The following PDZD4 variants were observed in gnomAD, a reference collection of about 807,000 sequenced individuals.
PDZD4 encodes PDZ domain containing 4.
PDZD4 carries 9 observed loss-of-function variants against 38.5 expected under a neutral mutation model. The ratio of observed to expected loss-of-function variants is 0.23; its 90% CI spans 0.14 to 0.41. The LOEUF is 0.41. PDZD4 is among the 10% of genes least tolerant of loss of function. The probability of loss-of-function intolerance (pLI) is 1.00; values close to 1 mark genes in which losing one functional copy is unlikely to be tolerated. For missense variants in PDZD4, 612 were observed against 722.0 expected, an observed-to-expected ratio of 0.85 and a Z score of 1.75; for synonymous variants, 349 against 315.7, an observed-to-expected ratio of 1.11 and a Z score of -1.12.
intron 1 of PDZD4, among the ~76,000 whole-genome samples, chrX:153,822,216 A>G (rs1185261598): frequency 9.3e-6 from 1 of 107,809 alleles, no homozygotes; most frequent in Non-Finnish European, 1.9e-5. Flanking sequence ...ACACACAGGA[A>G]AAGAGGGGTG....
At chrX:153,811,294 G>A (rs1285618494) in intron 1 of PDZD4, among the ~76,000 whole-genome samples, 4 of 111,472 alleles carry the variant, frequency 3.6e-5, no homozygotes, top group African/African-American at 1.3e-4. Context: ...CCACCACCAC[G>A]CCTGGATAAT....
intron 1 of PDZD4, among the ~76,000 whole-genome samples, chrX:153,822,950 A>G (rs2064441662): frequency 8.9e-6 from 1 of 111,873 alleles, no homozygotes; most frequent in African/African-American, 3.2e-5. Flanking sequence ...CTTTCCTGAG[A>G]GAAATTCTCA....
At position 153,808,436 on chromosome X, in the gene PDZD4, T is replaced by C. The variant is rs1557077969; in HGVS notation, c.220A>G (p.Thr74Ala). Reference protein sequence around the residue: ...DLQLVDSGTQTDITFEHIMAL... With the variant: ...DLQLVDSGTQADITFEHIMAL... ...ATGATATGCTCGAAGGTGATGTCGG[T>C]CTGAGTGCCACTGTCCACCAGCTGC... Residue 74 changes from threonine to alanine, a missense_variant, in exon 2 of 8, where the codon ACC becomes GCC. Around this residue, in one of 3 missense-constraint regions of PDZD4, gnomAD observed 225 missense variants for 311.0 expected, o/e 0.72. Transcript: ENST00000393758. 8.3e-7 allele frequency: 1 copy of C among 1,211,227 alleles called. No homozygotes were observed. Among genetic ancestry groups the C allele is most frequent in the South Asian group, 1.8e-5 (1 of 57,014 alleles).
chrX:153,808,681 C>T (rs2064280339), intron 1 of PDZD4, 86 bp from the exon 2 acceptor site: 2 of 1,026,080 alleles, frequency 1.9e-6, no homozygotes, highest in African/African-American at 1.9e-5. Context: ...GCTGGCAGGA[C>T]CTGGGCTGAC....
chrX:153,806,702 G>C (rs782139290), intron 4 of PDZD4, 40 bp downstream of exon 4: 1 of 1,157,692 alleles, frequency 8.6e-7, no homozygotes, highest in South Asian at 1.8e-5. Flanking sequence ...GGCAGGCCAT[G>C]TGGATGGGCC....
At chrX:153,820,127 T>C (rs1434015048) in intron 1 of PDZD4, among the ~76,000 whole-genome samples, 2 of 110,292 alleles carry the variant, frequency 1.8e-5, no homozygotes, top group Non-Finnish European at 3.8e-5. Flanking sequence ...GGCGGGCAGA[T>C]CACAAGGTCA....
At chrX:153,811,267 G>T (rs1185484945) in intron 1 of PDZD4, among the ~76,000 whole-genome samples, 4 of 111,573 alleles carry the variant, frequency 3.6e-5, no homozygotes, top group Non-Finnish European at 7.5e-5. Context: ...CTCCCCAATA[G>T]CTAGGATTAC....
intron 1 of PDZD4, among the ~76,000 whole-genome samples, chrX:153,828,850 C>T (rs2064509780): frequency 8.9e-6 from 1 of 112,029 alleles, no homozygotes; most frequent in African/African-American, 3.2e-5. Context: ...CATCCCAGCC[C>T]TGGAATCCAA....
intron 2 of PDZD4, chrX:153,807,809 G>A: frequency 1.0e-6 from 1 of 958,755 alleles, no homozygotes; most frequent in Non-Finnish European, 1.3e-6. Flanking sequence ...TGCCCTCCTG[G>A]CCCCAAAACT....
rs782076912 is a variant in PDZD4 at position 153,808,493 on chromosome X, G to T, written c.163C>A (p.Arg55Ser). ...LVIQVLRRSP[R>S]LRGDSSCHDL... ...TGACAGGAGCTGTCCCCCCGGAGGC[G>T]GGGGCTGCGTCTCAGCACCTGGATC... is the stretch of plus-strand genomic sequence containing the variant. The change falls in exon 2 of 8, where the codon CGC becomes AGC. Residue 55 changes from arginine (R) to serine (S), a missense_variant. Transcript: ENST00000393758. 8.3e-7 allele frequency: 1 copy of T among 1,210,487 alleles called. No homozygotes were observed. Among genetic ancestry groups the T allele is most frequent in the East Asian group, 3.0e-5 (1 of 33,805 alleles).
At chrX:153,820,285 G>C (rs1281327588) in intron 1 of PDZD4, among the ~76,000 whole-genome samples, 1 of 102,733 alleles carries the variant, frequency 9.7e-6, no homozygotes, top group Non-Finnish European at 2.0e-5. Flanking sequence ...TGGCGGAGGA[G>C]GTTGCAGTGA....
intron 5 of PDZD4, 47 bp downstream of exon 5, chrX:153,806,024 G>C: frequency 8.4e-7 from 1 of 1,184,528 alleles, no homozygotes; most frequent in Non-Finnish European, 1.1e-6. Context: ...CTGGGCCGAC[G>C]GGCACAGCGG....
chrX:153,818,827 G>T (rs1340696220), intron 1 of PDZD4, among the ~76,000 whole-genome samples: 7 of 109,918 alleles, frequency 6.4e-5, no homozygotes, highest in African/African-American at 2.0e-4. Context: ...AATTCGCAAG[G>T]CCAGGGAAAG....
chrX:153,804,870 C>T lies in PDZD4; in HGVS notation c.811G>A (p.Asp271Asn), dbSNP rs782134205. Residue 271 changes from aspartate to asparagine, a missense_variant, in exon 8 of 8, where the codon GAT (aspartate) becomes AAT (asparagine). Around this residue, in one of 3 missense-constraint regions of PDZD4, gnomAD observed 225 missense variants for 311.0 expected, o/e 0.72. Transcript: ENST00000393758. The part of the protein sequence containing the change: ...PGNEEEKGAP[D>N]AGPGLSNSQE... ...CTGTTGCTCAGGCCTGGGCCGGCATCGGGAGCCCCCTTCTCCTCTTCGTTT... is the reference window on the plus strand; with the variant it reads ...CTGTTGCTCAGGCCTGGGCCGGCATTGGGAGCCCCCTTCTCCTCTTCGTTT... 1.5e-5 allele frequency: 18 copies of T among 1,209,713 alleles called. No individual in the cohort carries two copies.
chrX:153,812,412 G>A (rs1163547690), intron 1 of PDZD4, among the ~76,000 whole-genome samples: 1 of 109,562 alleles, frequency 9.1e-6, no homozygotes. Flanking sequence ...CTTTCTACCC[G>A]GAATCATTAC....
rs5987159 is a variant in PDZD4 at position 153,806,775 on chromosome X, G to A, written c.471C>T (p.Asp157=). 168 of 1,209,189 alleles carry A rather than the reference G, an allele frequency of 1.4e-4. No homozygotes were observed. In the African/African-American group the frequency reaches 2.6e-3, roughly 19 times the overall value. The change falls in exon 4 of 8, where the codon GAC becomes GAT. Residue 157 remains aspartate (D), a synonymous_variant. Transcript: ENST00000393758. ...KLGLMVCYRT[D]DEEDLGIYVG... Reference sequence around the variant, plus strand: ...CATAAATGCCCAGGTCCTCCTCGTCGTCCGTGCGGTAGCAAACCATCAGGC... The same window carrying A: ...CATAAATGCCCAGGTCCTCCTCGTCATCCGTGCGGTAGCAAACCATCAGGC...
intron 1 of PDZD4, among the ~76,000 whole-genome samples, chrX:153,827,578 G>A (rs2064495306): frequency 8.9e-6 from 1 of 112,637 alleles, no homozygotes; most frequent in Non-Finnish European, 1.9e-5. Flanking sequence ...GATGAACCTT[G>A]AAAACATTAT....
chrX:153,817,272 C>T (rs1557080189), intron 1 of PDZD4, among the ~76,000 whole-genome samples: 1 of 111,979 alleles, frequency 8.9e-6, no homozygotes, highest in African/African-American at 3.2e-5. Flanking sequence ...AACTTACACT[C>T]AAATGCTCAC....
At chrX:153,825,701 C>T (rs1286090813) in intron 1 of PDZD4, among the ~76,000 whole-genome samples, 3 of 112,315 alleles carry the variant, frequency 2.7e-5, no homozygotes, top group Admixed American at 9.4e-5. Flanking sequence ...CAGCACTGCA[C>T]AATCCAATGC....
Sources: allele counts gnomAD v4.1 joint callset (sites outside exome capture counted in the v4.1 genomes callset), GRCh38; gene constraint gnomAD v4.1.1; regional missense constraint gnomAD v4.1.1; transcripts MANE v1.5; gene names NCBI Gene and HGNC (gene_info 2026-07-23, HGNC 2026-07-21).